Variants in EEPD1 observed in about 807,000 individuals in gnomAD.
EEPD1 encodes endonuclease/exonuclease/phosphatase family domain containing 1, also known as endonuclease/exonuclease/phosphatase family domain-containing protein 1.
In EEPD1, 17 loss-of-function variants were observed where a neutral mutation model predicts 46.3. That is an observed-to-expected ratio of 0.37 (90% CI 0.25 to 0.55). The LOEUF is 0.55. Among genes scored for constraint, EEPD1 ranks in the 20% least tolerant of loss-of-function variants. EEPD1 has a pLI of 0.83. For missense variants in EEPD1, 673 were observed against 745.6 expected (o/e 0.90, Z 1.13); for synonymous variants, 313 against 315.6 (o/e 0.99, Z 0.09).
At chr7:36,197,243 G>A (rs1785617906) in intron 2 of EEPD1, among the ~76,000 whole-genome samples, 1 of 148,438 alleles carries the variant, frequency 6.7e-6, no homozygotes, top group African/African-American at 2.5e-5. Flanking sequence ...AGGGAGGTGG[G>A]GGGGTCAGGC....
chr7:36,248,458 C>T (rs536180820), intron 3 of EEPD1, among the ~76,000 whole-genome samples: 47 of 151,194 alleles, frequency 3.1e-4, no homozygotes, highest in African/African-American at 1.1e-3. Flanking sequence ...CTGCCCACCT[C>T]GGCCTCCCAA....
chr7:36,165,673 G>A (rs201340017), intron 2 of EEPD1, among the ~76,000 whole-genome samples: 17 of 151,520 alleles, frequency 1.1e-4, no homozygotes, highest in East Asian at 3.9e-4. Context: ...TCTTGACCTC[G>A]TGATCTGCCT....
chr7:36,266,893 T>G (rs1787027894), intron 3 of EEPD1, among the ~76,000 whole-genome samples: 1 of 152,262 alleles, frequency 6.6e-6, no homozygotes, highest in Admixed American at 6.5e-5. Flanking sequence ...TTCATCCATG[T>G]ATCAGTACTT....
At chr7:36,220,752 C>G (rs1786130982) in intron 2 of EEPD1, among the ~76,000 whole-genome samples, 2 of 152,154 alleles carry the variant, frequency 1.3e-5, no homozygotes, top group African/African-American at 4.8e-5. Context: ...TCCTTTCACC[C>G]TCTGCCCATA....
chr7:36,222,284 G>C (rs1024195162), intron 2 of EEPD1, among the ~76,000 whole-genome samples: 1 of 152,194 alleles, frequency 6.6e-6, no homozygotes, highest in African/African-American at 2.4e-5. Flanking sequence ...GGTATTAAGA[G>C]AATCATAAGG....
chr7:36,215,932 A>T (rs1328236973), intron 2 of EEPD1, among the ~76,000 whole-genome samples: 1 of 152,168 alleles, frequency 6.6e-6, no homozygotes, highest in African/African-American at 2.4e-5. Context: ...CAAAGAGAGG[A>T]TGGGAGCCCT....
chr7:36,215,071 A>G (rs1786006217), intron 2 of EEPD1, among the ~76,000 whole-genome samples: 1 of 152,210 alleles, frequency 6.6e-6, no homozygotes, highest in Non-Finnish European at 1.5e-5. Flanking sequence ...AGGGGCCTCA[A>G]TTGCAGGCTG....
In EEPD1 at chr7:36,177,862, C is replaced by T. The variant is rs1171769481; in HGVS notation, c.878+22660C>T. Among the ~76,000 whole-genome samples, 8 of 152,114 alleles carry T rather than the reference C, an allele frequency of 5.3e-5. No individual in the cohort carries two copies. In the East Asian group the frequency reaches 1.5e-3, roughly 29 times the overall value. ...CCGAGTAGCTAGGATTACGGGTGCG[C>T]ACCTCCATGCCCGGCTATGTTTTGC... On this transcript the variant is annotated intron_variant, in intron 2 of 7. Transcript: ENST00000242108.
intron 2 of EEPD1, among the ~76,000 whole-genome samples, chr7:36,197,051 C>G (rs1337395476): frequency 6.6e-6 from 1 of 150,408 alleles, no homozygotes; most frequent in Non-Finnish European, 1.5e-5. Context: ...AGGAGCGCCT[C>G]GGCCCGGCCA....
At chr7:36,218,763 TA>T (rs1378820796) in intron 2 of EEPD1, among the ~76,000 whole-genome samples, 4 of 152,168 alleles carry the variant, frequency 2.6e-5, no homozygotes, top group African/African-American at 9.7e-5. Flanking sequence ...CTCTTTTTGC[TA>T]AAAATATGTG....
At chr7:36,239,893 C>A (rs1434150845) in intron 3 of EEPD1, among the ~76,000 whole-genome samples, 1 of 152,204 alleles carries the variant, frequency 6.6e-6, no homozygotes, top group African/African-American at 2.4e-5. Context: ...GTGTTGCTAA[C>A]ATGAAGCAAC....
chr7:36,293,549 G>A (rs1232679355), intron 6 of EEPD1, among the ~76,000 whole-genome samples: 1 of 152,160 alleles, frequency 6.6e-6, no homozygotes, highest in East Asian at 1.9e-4. Flanking sequence ...AGGGCTTTTT[G>A]TAGAGCTCCC....
chr7:36,181,288 C>T (rs1212518681), intron 2 of EEPD1, among the ~76,000 whole-genome samples: 3 of 151,942 alleles, frequency 2.0e-5, no homozygotes, highest in Non-Finnish European at 4.4e-5. Context: ...CTTTCACACT[C>T]GGAGGGCTGT....
chr7:36,296,030 C>CAAAAAA lies in EEPD1; in HGVS notation c.1316-943_1316-938dup, dbSNP rs34494609. Among the ~76,000 whole-genome samples the CAAAAAA allele has an allele frequency of 7.7e-4, 55 of 71,850 alleles. 2 individuals are homozygous for CAAAAAA. Among genetic ancestry groups the CAAAAAA allele is most frequent in the East Asian group, 2.7e-3 (6 of 2,242 alleles). The allele number at this position is 71,850 out of a possible 152,430, so 47.1% of individuals were successfully genotyped here. On this transcript the variant is annotated intron_variant, in intron 6 of 7. Coordinates refer to ENST00000242108, the MANE Select transcript of EEPD1 (RefSeq NM_030636.3). ...CGGCCAACAGAGTGAGACTGTCTCA[C>CAAAAAA]AAAAAAAAAAAAAAAAAAAAAAAAA... is the stretch of plus-strand genomic sequence containing the variant.
chr7:36,163,446 T>C (rs1205135242), intron 2 of EEPD1, among the ~76,000 whole-genome samples: 2 of 152,218 alleles, frequency 1.3e-5, no homozygotes, highest in Non-Finnish European at 2.9e-5. Context: ...ACAGTTGCTG[T>C]GGCTGAGGGC....
At chr7:36,272,008 C>T (rs942887581) in intron 3 of EEPD1, among the ~76,000 whole-genome samples, 11 of 151,676 alleles carry the variant, frequency 7.3e-5, no homozygotes, top group African/African-American at 2.2e-4. Flanking sequence ...CAGCCTCCCA[C>T]GTAGCTGGGA....
intron 3 of EEPD1, among the ~76,000 whole-genome samples, chr7:36,274,739 A>G (rs1240785292): frequency 1.3e-5 from 2 of 152,150 alleles, no homozygotes; most frequent in African/African-American, 4.8e-5. Context: ...GGCATTCCTC[A>G]GTTGCAGCCC....
intron 3 of EEPD1, among the ~76,000 whole-genome samples, chr7:36,259,708 G>T (rs1161553850): frequency 6.6e-6 from 1 of 151,722 alleles, no homozygotes; most frequent in Non-Finnish European, 1.5e-5. Context: ...TAGAGACAGG[G>T]TTTCTCTATG....
In EEPD1 at chr7:36,225,750, A is replaced by G. The variant is rs1324293043; in HGVS notation, c.879-13235A>G. ...GTGGAGCCTGAGAATCTGAAGCATT[A>G]AAAGTTCTTCGATTATCAAGTAAGT... is the stretch of plus-strand genomic sequence containing the variant. On this transcript the variant is annotated intron_variant, in intron 2 of 7. Transcript: ENST00000242108. This position sits in a 1 kb window ranked among gnomAD's most constrained non-coding sequence, Gnocchi z 4.2. Among the ~76,000 whole-genome samples, 1 of 152,196 alleles carries G rather than the reference A, an allele frequency of 6.6e-6. No individual in the cohort carries two copies. The highest frequency in any genetic ancestry group is 2.4e-5 in the African/African-American group (1 of 41,442).
Sources: allele counts gnomAD v4.1 joint callset (sites outside exome capture counted in the v4.1 genomes callset), GRCh38; gene constraint gnomAD v4.1.1; non-coding constraint Gnocchi (gnomAD v3.1); transcripts MANE v1.5; gene names NCBI Gene and HGNC (gene_info 2026-07-23, HGNC 2026-07-21).